The following BLTP1 variants were observed in gnomAD, a reference collection of about 807,000 sequenced individuals.
The protein encoded by BLTP1 is fragile site-associated protein.
the BLTP1 span, among the ~76,000 whole-genome samples, chr4:122,354,233 C>G: frequency 6.6e-6 from 1 of 151,858 alleles, no homozygotes; most frequent in Non-Finnish European, 1.5e-5. Context: ...TGAAAACATT[C>G]TAAATAAAAT....
chr4:122,258,915 A>C, the BLTP1 span: 2 of 877,526 alleles, frequency 2.3e-6, no homozygotes, highest in African/African-American at 3.4e-5. Context: ...TCTCAAATTT[A>C]AATGTTAGGT....
At chr4:122,235,299 A>G in the BLTP1 span, 1 of 952,350 alleles carries the variant, frequency 1.1e-6, no homozygotes, top group Non-Finnish European at 1.2e-6. Context: ...TTCCTTACAT[A>G]CTGTTATTTT....
chr4:122,187,400 T>C, the BLTP1 span: 1 of 1,608,558 alleles, frequency 6.2e-7, no homozygotes, highest in Non-Finnish European at 8.5e-7. Context: ...AAGGTTTTCT[T>C]ATTCATGTCA....
chr4:122,188,793 A>G, the BLTP1 span: 1 of 204,782 alleles, frequency 4.9e-6, no homozygotes, highest in African/African-American at 2.4e-5. Context: ...TCATATGGAG[A>G]GTTTTCAGTA....
chr4:122,237,449 T>A, the BLTP1 span: 5 of 736,592 alleles, frequency 6.8e-6, no homozygotes, highest in African/African-American at 7.7e-5. Context: ...TGGAGGTACA[T>A]CAGTGAATGA....
the BLTP1 span, among the ~76,000 whole-genome samples, chr4:122,283,040 T>C: frequency 6.6e-6 from 1 of 152,158 alleles, no homozygotes; most frequent in Non-Finnish European, 1.5e-5. Flanking sequence ...TCAGCAGACA[T>C]TCTTCATTTT....
the BLTP1 span, chr4:122,227,560 A>G: frequency 3.9e-6 from 3 of 775,842 alleles, no homozygotes; most frequent in Non-Finnish European, 4.7e-6. Context: ...AGTGGTTAAC[A>G]ACTTAGTTTT....
At chr4:122,227,142 A>T in the BLTP1 span, 1 of 928,686 alleles carries the variant, frequency 1.1e-6, no homozygotes, top group Non-Finnish European at 1.3e-6. Context: ...CTATATATTT[A>T]TGTAGAAGAT....
the BLTP1 span, among the ~76,000 whole-genome samples, chr4:122,300,161 A>G: frequency 6.6e-6 from 1 of 152,084 alleles, no homozygotes; most frequent in Non-Finnish European, 1.5e-5. Context: ...GGTGCCCACC[A>G]GCACACCCAG....
At chr4:122,200,182 A>G in the BLTP1 span, 1 of 916,256 alleles carries the variant, frequency 1.1e-6, no homozygotes. Context: ...AATATACCTT[A>G]AAGTGGCATA....
chr4:122,217,817 TTCAGCTGTGAATCCA>T, the BLTP1 span, among the ~76,000 whole-genome samples: 2 of 152,206 alleles, frequency 1.3e-5, no homozygotes, highest in Non-Finnish European at 2.9e-5. Context: ...TCTGATAGAA[TTCAGCTGTGAATCCA>T]TCTGGTCCTG....
the BLTP1 span, chr4:122,255,106 A>C: frequency 6.3e-7 from 1 of 1,587,972 alleles, no homozygotes; most frequent in South Asian, 1.1e-5. Flanking sequence ...ATCACTCTAA[A>C]TCTATTGTTG....
At chr4:122,334,553 A>G in the BLTP1 span, 2 of 1,611,828 alleles carry the variant, frequency 1.2e-6, no homozygotes, top group Non-Finnish European at 1.7e-6. Context: ...CAGGTATTTA[A>G]GGAGTATATA....
chr4:122,280,963 G>A, the BLTP1 span, among the ~76,000 whole-genome samples: 3 of 152,170 alleles, frequency 2.0e-5, no homozygotes, highest in African/African-American at 7.2e-5. Context: ...TCAGTAGAGT[G>A]TAGTAGTTGA....
chr4:122,243,466 CA>C, the BLTP1 span: 2 of 982,960 alleles, frequency 2.0e-6, no homozygotes, highest in Non-Finnish European at 2.4e-6. Context: ...CCAGGCCAGG[CA>C]TGGTGGTTCA....
the BLTP1 span, chr4:122,200,794 G>C: frequency 1.1e-6 from 1 of 873,880 alleles, no homozygotes; most frequent in African/African-American, 1.8e-5. Context: ...AAAGTTTTTT[G>C]ACCACATCTT....
chr4:122,348,732 T>C, the BLTP1 span: 3 of 1,515,062 alleles, frequency 2.0e-6, no homozygotes, highest in Non-Finnish European at 2.7e-6. Context: ...GCTATTCAGA[T>C]ACAAAGGAAA....
At chr4:122,357,392 A>G in the BLTP1 span, among the ~76,000 whole-genome samples, 5 of 151,892 alleles carry the variant, frequency 3.3e-5, no homozygotes, top group Admixed American at 2.6e-4. Context: ...GTGAGACCCC[A>G]TTTCTACAAA....
At chr4:122,154,115 A>G in the BLTP1 span, 2 of 981,828 alleles carry the variant, frequency 2.0e-6, no homozygotes, top group Non-Finnish European at 2.4e-6. Flanking sequence ...AAACTTGGGT[A>G]AGTATTTTTG....
Sources: gnomAD v4.1 joint callset for allele counts (sites outside exome capture counted in the v4.1 genomes callset) on GRCh38, gnomAD v4.1.1 for gene constraint, MANE v1.5 for transcripts, NCBI Gene and HGNC (gene_info 2026-07-23, HGNC 2026-07-21) for gene names.